The following ST6GALNAC3 variants were observed in gnomAD, a reference collection of about 807,000 sequenced individuals.
ST6GALNAC3 encodes the protein ST6 N-acetylgalactosaminide alpha-2,6-sialyltransferase 3.
Under a neutral mutation model 32.7 loss-of-function variants are expected in ST6GALNAC3, and 25 were observed. The ratio of observed to expected loss-of-function variants is 0.76; its 90% confidence interval spans 0.56 to 1.07. ST6GALNAC3 has a LOEUF of 1.07. ST6GALNAC3 is among the 50% of genes least tolerant of loss of function. ST6GALNAC3 has a pLI of 0.00. For synonymous variants in ST6GALNAC3, 129 were observed against 133.1 expected (o/e 0.97, Z 0.21); for missense variants, 355 against 382.4 (o/e 0.93, Z 0.60).
intron 1 of ST6GALNAC3, among the ~76,000 whole-genome samples, chr1:76,117,859 G>A (rs1273167317): frequency 6.6e-6 from 1 of 152,184 alleles, no homozygotes; most frequent in Non-Finnish European, 1.5e-5. Flanking sequence ...CTTCAAGCAA[G>A]TTCCCTGGTC....
chr1:76,318,434 G>T (rs988186333), intron 2 of ST6GALNAC3, among the ~76,000 whole-genome samples: 1 of 152,120 alleles, frequency 6.6e-6, no homozygotes, highest in Admixed American at 6.6e-5. Context: ...CTGGGTGAGT[G>T]CTGAAATTCT....
At chr1:76,156,933 G>T (rs986530137) in intron 1 of ST6GALNAC3, among the ~76,000 whole-genome samples, 1 of 152,282 alleles carries the variant, frequency 6.6e-6, no homozygotes, top group African/African-American at 2.4e-5. Context: ...GGGTTTCACC[G>T]TGTTAGCCAG....
chr1:76,126,788 A>G (rs1389635709), intron 1 of ST6GALNAC3, among the ~76,000 whole-genome samples: 13 of 152,164 alleles, frequency 8.5e-5, no homozygotes, highest in African/African-American at 4.8e-5. Context: ...GTGATTGTGC[A>G]TGTAAAGTGC....
At chr1:76,407,632 T>C (rs1653925055) in intron 2 of ST6GALNAC3, among the ~76,000 whole-genome samples, 2 of 151,778 alleles carry the variant, frequency 1.3e-5, no homozygotes, top group African/African-American at 4.8e-5. Flanking sequence ...TTTTCAAAGA[T>C]GCTTTGAGTG....
At chr1:76,160,940 G>A (rs1446356686) in intron 1 of ST6GALNAC3, among the ~76,000 whole-genome samples, 1 of 152,170 alleles carries the variant, frequency 6.6e-6, no homozygotes, top group Non-Finnish European at 1.5e-5. Context: ...TTATTTTAAA[G>A]TTTCAACATT....
intron 1 of ST6GALNAC3, among the ~76,000 whole-genome samples, chr1:76,098,778 A>G (rs886767714): frequency 6.6e-6 from 1 of 152,114 alleles, no homozygotes; most frequent in Non-Finnish European, 1.5e-5. Flanking sequence ...ATTATACTAC[A>G]GCCTATTTTC....
chr1:76,418,320 C>T (rs913828325), intron 3 of ST6GALNAC3, among the ~76,000 whole-genome samples: 2 of 152,140 alleles, frequency 1.3e-5, no homozygotes, highest in Non-Finnish European at 2.9e-5. Flanking sequence ...TGGGAATCCT[C>T]TTGTAGGTCC....
chr1:76,465,376 G>A (rs1658556484), intron 3 of ST6GALNAC3, among the ~76,000 whole-genome samples: 1 of 152,120 alleles, frequency 6.6e-6, no homozygotes, highest in Admixed American at 6.6e-5. Flanking sequence ...GTTAAGGACT[G>A]GGACTAAAAG....
intron 1 of ST6GALNAC3, among the ~76,000 whole-genome samples, chr1:76,296,597 AC>A (rs1391438714): frequency 6.6e-6 from 1 of 151,880 alleles, no homozygotes; most frequent in Non-Finnish European, 1.5e-5. Flanking sequence ...TATCTTAGAA[AC>A]CCCAAATGTC....
At chr1:76,138,760 A>G (rs964574612) in intron 1 of ST6GALNAC3, among the ~76,000 whole-genome samples, 6 of 152,242 alleles carry the variant, frequency 3.9e-5, no homozygotes, top group Non-Finnish European at 7.3e-5. Context: ...CAAACAATGC[A>G]AAGGACTTCC....
At chr1:76,628,344 C>A (rs1261506487) in intron 4 of ST6GALNAC3, among the ~76,000 whole-genome samples, 1 of 152,048 alleles carries the variant, frequency 6.6e-6, no homozygotes, top group South Asian at 2.1e-4. Flanking sequence ...AAAGTTTCTT[C>A]AATTATACAC....
At chr1:76,513,265 G>A (rs186775241) in intron 3 of ST6GALNAC3, among the ~76,000 whole-genome samples, 76 of 152,202 alleles carry the variant, frequency 5.0e-4, no homozygotes, top group Non-Finnish European at 9.7e-4. Flanking sequence ...CATAGTTATA[G>A]ACTTTACAAT....
chr1:76,142,896 A>T (rs1404232877), intron 1 of ST6GALNAC3: 1 of 454,874 alleles, frequency 2.2e-6, no homozygotes, highest in Non-Finnish European at 4.4e-6. Context: ...GTCAATTCAC[A>T]TGGAGGATTA....
At chr1:76,250,931 G>A (rs1657573060) in intron 1 of ST6GALNAC3, among the ~76,000 whole-genome samples, 1 of 152,148 alleles carries the variant, frequency 6.6e-6, no homozygotes, top group Admixed American at 6.5e-5. Context: ...ACACTCACCA[G>A]TAACCTCTTA....
chr1:76,482,139 TACACACACAC>T (rs368648490), intron 3 of ST6GALNAC3, among the ~76,000 whole-genome samples: 4 of 147,024 alleles, frequency 2.7e-5, no homozygotes, highest in African/African-American at 1.0e-4. Context: ...AAATTTTCTT[TACACACACAC>T]ACACACACAC....
chr1:76,243,552 C>T (rs1219140059), intron 1 of ST6GALNAC3, among the ~76,000 whole-genome samples: 1 of 152,102 alleles, frequency 6.6e-6, no homozygotes, highest in Non-Finnish European at 1.5e-5. Flanking sequence ...AATGGTACTG[C>T]CTAGGTTTTC....
chr1:76,554,384 A>G (rs1009572912), intron 3 of ST6GALNAC3, among the ~76,000 whole-genome samples: 3 of 152,160 alleles, frequency 2.0e-5, no homozygotes, highest in Admixed American at 2.0e-4. Context: ...GAGGGGAGAA[A>G]CCAATTAAGT....
intron 1 of ST6GALNAC3, among the ~76,000 whole-genome samples, chr1:76,268,178 T>C (rs978072175): frequency 6.6e-6 from 1 of 152,210 alleles, no homozygotes. Flanking sequence ...AATATATCTT[T>C]CTCCACTAAT....
intron 1 of ST6GALNAC3, among the ~76,000 whole-genome samples, chr1:76,209,388 A>C (rs562743141): frequency 6.6e-6 from 1 of 152,336 alleles, no homozygotes; most frequent in African/African-American, 2.4e-5. Context: ...ATCCTGGTCA[A>C]GCATGCCAGG....
Sources: allele counts gnomAD v4.1 joint callset (sites outside exome capture counted in the v4.1 genomes callset), GRCh38; gene constraint gnomAD v4.1.1; transcripts MANE v1.5; gene names NCBI Gene and HGNC (gene_info 2026-07-23, HGNC 2026-07-21).